The following PRKAG2 variants were observed in gnomAD, a reference collection of about 807,000 sequenced individuals.
PRKAG2 encodes 5'-AMP-activated protein kinase subunit gamma-2.
In PRKAG2, 26 loss-of-function variants were observed where a neutral mutation model predicts 69.6. That is an observed-to-expected ratio of 0.37 (90% CI 0.27 to 0.52). The LOEUF is 0.52. Among genes scored for constraint, PRKAG2 ranks in the 20% least tolerant of loss-of-function variants. The pLI is 0.90. For missense variants in PRKAG2, 557 were observed against 740.0 expected, an observed-to-expected ratio of 0.75 and a Z score of 2.87; for synonymous variants, 293 against 285.0, an observed-to-expected ratio of 1.03 and a Z score of -0.28.
At chr7:151,720,303 G>A (rs917162886) in intron 3 of PRKAG2, among the ~76,000 whole-genome samples, 6 of 151,992 alleles carry the variant, frequency 3.9e-5, no homozygotes, top group Non-Finnish European at 5.9e-5. Context: ...AAGCCAGTTC[G>A]CGTTTGAGTT....
At chr7:151,660,012 T>TCATG (rs1254341774) in intron 4 of PRKAG2, among the ~76,000 whole-genome samples, 1 of 152,192 alleles carries the variant, frequency 6.6e-6, no homozygotes, top group Non-Finnish European at 1.5e-5. Context: ...TGAGCTATGA[T>TCATG]CATGCCACTG....
Position 151,795,845 on chromosome 7 carries a change from TCA to T in PRKAG2, c.115-9306_115-9305del, listed in dbSNP as rs1491185172. Among the ~76,000 whole-genome samples, 28 of 61,280 alleles carry T rather than the reference TCA, an allele frequency of 4.6e-4. No homozygotes were observed. The Admixed American group carries it at 5.1e-3, about 11-fold the overall frequency. 40.2% of individuals were successfully genotyped at this position (61,280 alleles called of 152,430 possible). ...ATGAGTCAATTCTTTCAAACAAATCTCATATATATATATATATATATATATAT... is the reference window on the plus strand; with the variant it reads ...ATGAGTCAATTCTTTCAAACAAATCTTATATATATATATATATATATATAT... On this transcript the variant is annotated intron_variant, in intron 1 of 15. Coordinates refer to ENST00000287878, the MANE Select transcript of PRKAG2 (RefSeq NM_016203.4).
At chr7:151,731,860 C>T (rs1347966472) in intron 3 of PRKAG2, among the ~76,000 whole-genome samples, 2 of 152,138 alleles carry the variant, frequency 1.3e-5, no homozygotes, top group African/African-American at 4.8e-5. Flanking sequence ...TCTTTTGAGA[C>T]AGTGTCTCAC....
intron 1 of PRKAG2, among the ~76,000 whole-genome samples, chr7:151,834,911 CT>C (rs1277384381): frequency 6.6e-6 from 1 of 152,220 alleles, no homozygotes; most frequent in Non-Finnish European, 1.5e-5. Flanking sequence ...TTTCTGCCAG[CT>C]ACGGGTGGCT....
intron 1 of PRKAG2, among the ~76,000 whole-genome samples, chr7:151,844,837 A>G (rs77913872): frequency 0.011 from 1,662 of 152,286 alleles, 33 homozygotes; most frequent in African/African-American, 0.036. Context: ...GGATGAATAA[A>G]TCGGTATCAT....
intron 1 of PRKAG2, among the ~76,000 whole-genome samples, chr7:151,813,364 A>G (rs1477976600): frequency 6.6e-6 from 1 of 152,012 alleles, no homozygotes; most frequent in Non-Finnish European, 1.5e-5. Context: ...GATGCACAGA[A>G]TCAAGCCTCC....
intron 6 of PRKAG2, among the ~76,000 whole-genome samples, chr7:151,587,408 C>T (rs139845355): frequency 6.6e-6 from 1 of 152,266 alleles, no homozygotes; most frequent in East Asian, 1.9e-4. Flanking sequence ...TGAAGCGTCA[C>T]TCCCCATGGC....
intron 1 of PRKAG2, among the ~76,000 whole-genome samples, chr7:151,874,168 T>G (rs1376796559): frequency 7.7e-6 from 1 of 130,680 alleles, no homozygotes; most frequent in Non-Finnish European, 1.6e-5. Flanking sequence ...TGTATATGTA[T>G]ATGATGTATA....
chr7:151,859,524 C>A (rs1222330645), intron 1 of PRKAG2, among the ~76,000 whole-genome samples: 1 of 152,198 alleles, frequency 6.6e-6, no homozygotes, highest in Non-Finnish European at 1.5e-5. Context: ...ACTTAAAGGG[C>A]CATGGGATTA....
Position 151,613,872 on chromosome 7 carries a change from G to A in PRKAG2, c.754+18197C>T, listed in dbSNP as rs953814334. 5.4e-5 allele frequency among the ~76,000 whole-genome samples: 8 copies of A among 147,758 alleles called. No homozygotes were observed. In the East Asian group the frequency reaches 5.9e-4, roughly 11 times the overall value. ...AGGCTGGAGTGCAGTGGACGATCTC[G>A]GCTCACTGCAACCTCTATCTCCCGG... On this transcript the variant is annotated intron_variant, in intron 5 of 15. Transcript: ENST00000287878.
intron 4 of PRKAG2, among the ~76,000 whole-genome samples, chr7:151,659,322 T>C (rs140738719): frequency 2.8e-3 from 421 of 152,282 alleles, no homozygotes; most frequent in South Asian, 7.7e-3. Flanking sequence ...CTCAGAAAAA[T>C]AGAAAATTGA....
rs1332478202 is a variant in PRKAG2 at position 151,583,164 on chromosome 7, G to A, written c.865-6712C>T. On this transcript the variant is annotated intron_variant, in intron 6 of 15. Transcript: ENST00000287878. The surrounding 1 kb of genome is among the most constrained non-coding windows in gnomAD (Gnocchi z 4.1). ...GCCTCCTGAGTAGCTGGGATCACAG[G>A]CATATGCCACCATGCTCAGCTAATT... is the stretch of plus-strand genomic sequence containing the variant. 6.6e-6 allele frequency among the ~76,000 whole-genome samples: 1 copy of A among 152,124 alleles called. No homozygotes were observed. The highest frequency in any genetic ancestry group is 1.5e-5 in the Non-Finnish European group (1 of 68,022).
intron 3 of PRKAG2, among the ~76,000 whole-genome samples, chr7:151,754,337 C>T (rs2074919499): frequency 6.6e-6 from 1 of 152,252 alleles, no homozygotes; most frequent in Non-Finnish European, 1.5e-5. Flanking sequence ...CTGAACTTTT[C>T]AGGAAACTTG....
chr7:151,830,264 G>A (rs1393075583), intron 1 of PRKAG2, among the ~76,000 whole-genome samples: 2 of 151,828 alleles, frequency 1.3e-5, no homozygotes. Flanking sequence ...CAGGCTGACC[G>A]GGAGCCACCC....
At chr7:151,721,750 C>T (rs748047842) in intron 3 of PRKAG2, among the ~76,000 whole-genome samples, 6 of 152,164 alleles carry the variant, frequency 3.9e-5, no homozygotes, top group Non-Finnish European at 7.3e-5. Context: ...GTCAGGCCAA[C>T]GTCCCATCAA....
At chr7:151,624,010 G>A (rs1045520546) in intron 5 of PRKAG2, among the ~76,000 whole-genome samples, 1 of 152,082 alleles carries the variant, frequency 6.6e-6, no homozygotes, top group East Asian at 1.9e-4. Flanking sequence ...GCAACTTCCT[G>A]TCAGTTACAA....
intron 3 of PRKAG2, among the ~76,000 whole-genome samples, chr7:151,712,709 T>C (rs766366358): frequency 6.6e-6 from 1 of 152,134 alleles, no homozygotes; most frequent in Admixed American, 6.5e-5. Context: ...GTGTGCCCCA[T>C]AACCACATTC....
intron 6 of PRKAG2, among the ~76,000 whole-genome samples, chr7:151,578,566 C>G (rs1265877849): frequency 6.6e-6 from 1 of 152,186 alleles, no homozygotes; most frequent in African/African-American, 2.4e-5. Context: ...TGAGGGAGCT[C>G]ATCAATTATT....
chr7:151,814,226 G>A lies in PRKAG2; in HGVS notation c.115-27685C>T, dbSNP rs557555820. ...TGTAAGGAGAAAACATACAGCTTCC[G>A]TGGAGAGAAGGAACATTTTGCTCAG... On this transcript the variant is annotated intron_variant, in intron 1 of 15. Coordinates refer to ENST00000287878, the MANE Select transcript of PRKAG2 (RefSeq NM_016203.4). This position sits in a 1 kb window ranked among gnomAD's most constrained non-coding sequence, Gnocchi z 4.8. Among the ~76,000 whole-genome samples, 8 of 152,322 alleles carry A rather than the reference G, an allele frequency of 5.3e-5. No individual in the cohort carries two copies. Among genetic ancestry groups the A allele is most frequent in the Admixed American group, 1.3e-4 (2 of 15,306 alleles).
Sources: allele counts gnomAD v4.1 joint callset (sites outside exome capture counted in the v4.1 genomes callset), GRCh38; gene constraint gnomAD v4.1.1; non-coding constraint Gnocchi (gnomAD v3.1); transcripts MANE v1.5; gene names NCBI Gene and HGNC (gene_info 2026-07-23, HGNC 2026-07-21).